The following SENP5 variants were observed in gnomAD, a reference collection of about 807,000 sequenced individuals.
SENP5 encodes the protein SUMO specific peptidase 5.
A neutral mutation model predicts 74.2 loss-of-function variants in SENP5; 21 were observed. The ratio of observed to expected loss-of-function variants is 0.28; its 90% CI spans 0.20 to 0.41. The LOEUF is 0.41. Among genes scored for constraint, SENP5 ranks in the 10% least tolerant of loss-of-function variants. The pLI, the probability that SENP5 is intolerant of heterozygous loss-of-function variation, is 1.00. For missense variants in SENP5, 717 were observed against 889.1 expected (o/e 0.81, Z 2.46); for synonymous variants, 311 against 312.7 (o/e 0.99, Z 0.06).
At chr3:196,887,688 C>A (rs1285982895) in intron 2 of SENP5, among the ~76,000 whole-genome samples, 1 of 152,012 alleles carries the variant, frequency 6.6e-6, no homozygotes, top group Non-Finnish European at 1.5e-5. Flanking sequence ...AAGGTAAAAG[C>A]CTTCAGTACC....
At chr3:196,872,920 T>C (rs1713279052) in intron 1 of SENP5, among the ~76,000 whole-genome samples, 1 of 152,144 alleles carries the variant, frequency 6.6e-6, no homozygotes, top group Non-Finnish European at 1.5e-5. Context: ...GCTGGTTTTG[T>C]GGCATGTGGG....
At chr3:196,878,789 A>C (rs1255168675) in intron 1 of SENP5, among the ~76,000 whole-genome samples, 1 of 152,054 alleles carries the variant, frequency 6.6e-6, no homozygotes, top group African/African-American at 2.4e-5. Flanking sequence ...ACAAGGTTTC[A>C]CCACGTTGGC....
chr3:196,883,925 C>T (rs1486761093), intron 1 of SENP5, among the ~76,000 whole-genome samples: 5 of 152,166 alleles, frequency 3.3e-5, no homozygotes, highest in Non-Finnish European at 5.9e-5. Flanking sequence ...CTCCTGACCT[C>T]AGGTAATCCA....
intron 1 of SENP5, among the ~76,000 whole-genome samples, chr3:196,878,990 G>A (rs767557686): frequency 6.6e-6 from 1 of 152,074 alleles, no homozygotes; most frequent in Non-Finnish European, 1.5e-5. Context: ...TGTTCCCCAC[G>A]TCTGTGTACT....
intron 6 of SENP5, chr3:196,914,437 C>T (rs945430939): frequency 6.6e-6 from 1 of 150,604 alleles, no homozygotes; most frequent in East Asian, 1.9e-4. Context: ...TGATTGATGT[C>T]TCCCTCCAAA....
chr3:196,923,015 T>G (rs138151570), intron 6 of SENP5, among the ~76,000 whole-genome samples: 1 of 152,180 alleles, frequency 6.6e-6, no homozygotes, highest in African/African-American at 2.4e-5. Flanking sequence ...AGCCTCCCAA[T>G]GTACTGGGAT....
At chr3:196,921,834 T>C (rs373306005) in intron 6 of SENP5, among the ~76,000 whole-genome samples, 1 of 152,182 alleles carries the variant, frequency 6.6e-6, no homozygotes, top group Non-Finnish European at 1.5e-5. Context: ...CTTGGGAAAT[T>C]AGTTTCAGAG....
chr3:196,931,075 A>G lies in SENP5; in HGVS notation c.*152A>G, dbSNP rs911918063. ...TCAAATTTATTTTTTGCCCTTATTCATTTCTCCAGCTACCATGTACTATTG... is the reference window on the plus strand; with the variant it reads ...TCAAATTTATTTTTTGCCCTTATTCGTTTCTCCAGCTACCATGTACTATTG... On this transcript the variant is annotated 3_prime_UTR_variant, in exon 10 of 10. Transcript: ENST00000323460. 4.9e-6 allele frequency: 3 copies of G among 607,992 alleles called. No homozygotes were observed. The highest frequency in any genetic ancestry group is 3.7e-5 in the African/African-American group (2 of 53,848). The allele number at this position is 607,992 out of a possible 1,614,324, so 37.7% of individuals were successfully genotyped here. A position where few individuals can be genotyped will look rare whatever the true frequency, so the allele number is the denominator to read the frequency against.
chr3:196,926,659 G>A (rs1460932708), intron 7 of SENP5, among the ~76,000 whole-genome samples: 1 of 116,702 alleles, frequency 8.6e-6, no homozygotes, highest in Non-Finnish European at 1.7e-5. Context: ...TTTTTTTTGA[G>A]TCAGAGTCTC....
rs951836998 is a variant in SENP5 at position 196,885,976 on chromosome 3, A to G, written c.795A>G (p.Arg265=). 1.2e-6 allele frequency: 2 copies of G among 1,614,124 alleles called. No homozygotes were observed. The highest frequency in any genetic ancestry group is 1.7e-6 in the Non-Finnish European group (2 of 1,180,056). The change falls in exon 2 of 10, where the codon CGA becomes CGG. Residue 265 remains arginine, a synonymous_variant. Transcript: ENST00000323460. The part of the protein sequence containing the change: ...SKVCKLRKAQ[R]SWVQKVTGDH... ...TTTGCAAGCTAAGAAAAGCCCAGCG[A>G]AGCTGGGTACAGAAAGTCACTGGGG...
intron 6 of SENP5, among the ~76,000 whole-genome samples, chr3:196,922,492 C>G (rs897815715): frequency 6.6e-6 from 1 of 152,212 alleles, no homozygotes; most frequent in African/African-American, 2.4e-5. Context: ...CTCCGTCGCC[C>G]AGGCTGGAAT....
chr3:196,885,979 C>T lies in SENP5; in HGVS notation c.798C>T (p.Ser266=). The T allele has an allele frequency of 6.2e-7, 1 of 1,614,194 alleles. No individual in the cohort carries two copies. The change falls in exon 2 of 10, where the codon AGC becomes AGT. Residue 266 remains serine (S), a synonymous_variant. Transcript: ENST00000323460. ...KVCKLRKAQR[S]WVQKVTGDHQ... is the part of the protein sequence containing the mutation. ...GCAAGCTAAGAAAAGCCCAGCGAAGCTGGGTACAGAAAGTCACTGGGGACC... is the reference window on the plus strand; with the variant it reads ...GCAAGCTAAGAAAAGCCCAGCGAAGTTGGGTACAGAAAGTCACTGGGGACC...
intron 2 of SENP5, among the ~76,000 whole-genome samples, chr3:196,891,801 T>C (rs902708452): frequency 2.0e-5 from 3 of 152,000 alleles, no homozygotes; most frequent in African/African-American, 7.2e-5. Flanking sequence ...TGTCTCTCTC[T>C]TTTTTTTGAG....
At chr3:196,907,617 TAAAC>T (rs1293563944) in intron 6 of SENP5, among the ~76,000 whole-genome samples, 1 of 152,126 alleles carries the variant, frequency 6.6e-6, no homozygotes, top group African/African-American at 2.4e-5. Flanking sequence ...CATTAAATAA[TAAAC>T]TAAATTATTC....
chr3:196,882,084 G>T (rs188642962), intron 1 of SENP5, among the ~76,000 whole-genome samples: 171 of 151,300 alleles, frequency 1.1e-3, no homozygotes, highest in African/African-American at 3.8e-3. Flanking sequence ...TTTTTAGTAG[G>T]GTTGGGGTTT....
intron 6 of SENP5, among the ~76,000 whole-genome samples, chr3:196,906,329 T>C (rs576247021): frequency 6.6e-6 from 1 of 152,264 alleles, no homozygotes; most frequent in Non-Finnish European, 1.5e-5. Context: ...TGCCAGACAT[T>C]ATAGTAAATC....
intron 6 of SENP5, among the ~76,000 whole-genome samples, chr3:196,910,805 A>G (rs947676752): frequency 2.0e-5 from 3 of 152,150 alleles, no homozygotes; most frequent in Admixed American, 6.6e-5. Context: ...TAGGCATCAC[A>G]TACCTAACTT....
At chr3:196,930,214 G>A (rs1348604274) in intron 9 of SENP5, among the ~76,000 whole-genome samples, 2 of 152,152 alleles carry the variant, frequency 1.3e-5, no homozygotes, top group Non-Finnish European at 1.5e-5. Flanking sequence ...AGACCGGTTC[G>A]TTTGTATACC....
At chr3:196,908,606 C>T (rs944314456) in intron 6 of SENP5, among the ~76,000 whole-genome samples, 1 of 152,086 alleles carries the variant, frequency 6.6e-6, no homozygotes, top group Non-Finnish European at 1.5e-5. Context: ...GGTAGATCAC[C>T]TGAGGTCAGG....
Sources: gnomAD v4.1 joint callset for allele counts (sites outside exome capture counted in the v4.1 genomes callset) on GRCh38, gnomAD v4.1.1 for gene constraint, MANE v1.5 for transcripts, NCBI Gene and HGNC (gene_info 2026-07-23, HGNC 2026-07-21) for gene names.